The following PCDHA2 variants were observed in gnomAD, a reference collection of about 807,000 sequenced individuals.
PCDHA2 encodes the protein protocadherin alpha 2.
In PCDHA2, 58 loss-of-function variants were observed where a neutral mutation model predicts 66.0. That is an observed-to-expected ratio of 0.88 (90% CI 0.71 to 1.09). The LOEUF (loss-of-function observed/expected upper bound fraction) is 1.09, where lower values mean the gene tolerates loss of function less well. PCDHA2 is among the 50% of genes least tolerant of loss of function. The probability of loss-of-function intolerance (pLI) is 0.00; values close to 1 mark genes in which losing one functional copy is unlikely to be tolerated. For missense variants in PCDHA2, 1,267 were observed against 1,242.3 expected (o/e 1.02, Z -0.30); for synonymous variants, 634 against 554.0 (o/e 1.14, Z -2.03).
chr5:140,795,112 C>G lies in PCDHA2; in HGVS notation c.148C>G (p.Gln50Glu). ...KHGTFVGRIA[Q>E]DLGLELEELV... ...CGGCACCTTCGTGGGCCGCATCGCG[C>G]AGGACCTGGGGCTGGAGCTGGAGGA... is the stretch of plus-strand genomic sequence containing the variant. Residue 50 changes from glutamine (Q) to glutamate (E), a missense_variant, in exon 1 of 4, where the codon CAG (glutamine) becomes GAG (glutamate). Transcript: ENST00000526136. 6.2e-7 allele frequency: 1 copy of G among 1,614,064 alleles called. No homozygotes were observed.
intron 3 of PCDHA2, among the ~76,000 whole-genome samples, chr5:141,000,216 T>C (rs665221): frequency 1.3e-5 from 2 of 151,640 alleles, no homozygotes; most frequent in East Asian, 1.9e-4. Flanking sequence ...CATTATCAAA[T>C]GCCTGTGTGG....
At position 141,010,044 on chromosome 5, in the gene PCDHA2, G is replaced by C; in HGVS notation, c.*107G>C. Reference sequence around the variant, plus strand: ...TTTCCTATCTACATGAGCCCTCTTAGAGACCTCAGAAATCTGCAGAAAGTT... The same window carrying C: ...TTTCCTATCTACATGAGCCCTCTTACAGACCTCAGAAATCTGCAGAAAGTT... On this transcript the variant is annotated 3_prime_UTR_variant, in exon 4 of 4. Coordinates refer to ENST00000526136, the MANE Select transcript of PCDHA2 (RefSeq NM_018905.3). 1.3e-6 allele frequency: 2 copies of C among 1,594,604 alleles called. No individual in the cohort carries two copies. Among genetic ancestry groups the C allele is most frequent in the Non-Finnish European group, 1.7e-6 (2 of 1,171,226 alleles).
chr5:140,800,953 C>G, intron 1 of PCDHA2: 1 of 1,125,988 alleles, frequency 8.9e-7, no homozygotes, highest in African/African-American at 1.6e-5. Context: ...AAACGACATA[C>G]AAGGAAAAGA....
At chr5:140,996,968 C>G (rs1290343779) in intron 3 of PCDHA2, among the ~76,000 whole-genome samples, 1 of 152,132 alleles carries the variant, frequency 6.6e-6, no homozygotes, top group Non-Finnish European at 1.5e-5. Context: ...CAATCCCACT[C>G]CCCTTTGGTG....
At chr5:140,969,152 T>C in intron 1 of PCDHA2, 1 of 1,614,002 alleles carries the variant, frequency 6.2e-7, no homozygotes, top group East Asian at 2.2e-5. Flanking sequence ...CTACAAGGCC[T>C]GTCTGACAGC....
rs1587841717 is a variant in PCDHA2, at chr5:140,999,568, GA to G, written c.2537-10058del. On this transcript the variant is annotated intron_variant, in intron 3 of 3. Transcript: ENST00000526136. ...ATGAAGAGGGGGTATTTTGAGAAGA[GA>G]CTATAAAGGGAAATTGCCTTCCCTA... Among the ~76,000 whole-genome samples the G allele has an allele frequency of 2.0e-5, 3 of 152,084 alleles. No homozygotes were observed. In the South Asian group the frequency reaches 6.2e-4, roughly 32 times the overall value.
chr5:140,802,212 G>A (rs1406650011), intron 1 of PCDHA2: 2 of 1,614,100 alleles, frequency 1.2e-6, no homozygotes, highest in Non-Finnish European at 1.7e-6. Context: ...AGTTCTACTC[G>A]AAATTGTGGA....
intron 1 of PCDHA2, chr5:140,968,548 G>T: frequency 6.2e-7 from 1 of 1,614,174 alleles, no homozygotes; most frequent in Non-Finnish European, 8.5e-7. Context: ...TCGAGATGGT[G>T]CCTCGAACTG....
chr5:140,879,468 C>T (rs1302590030), intron 1 of PCDHA2, among the ~76,000 whole-genome samples: 2 of 152,006 alleles, frequency 1.3e-5, no homozygotes, highest in African/African-American at 4.8e-5. Context: ...AAGAGAATAC[C>T]GTTGTGATTG....
intron 1 of PCDHA2, among the ~76,000 whole-genome samples, chr5:140,941,202 C>T (rs246071): frequency 0.094 from 11,551 of 122,542 alleles, 708 homozygotes; most frequent in Admixed American, 0.12. Context: ...TTTCTTTCTT[C>T]CTTTCTTTCT....
At chr5:140,951,289 T>C (rs546786558) in intron 1 of PCDHA2, among the ~76,000 whole-genome samples, 12 of 152,232 alleles carry the variant, frequency 7.9e-5, no homozygotes, top group Non-Finnish European at 1.3e-4. Context: ...TTTTGGATTA[T>C]ATCTTGATAT....
At chr5:140,879,268 A>G (rs1289844412) in intron 1 of PCDHA2, among the ~76,000 whole-genome samples, 1 of 152,268 alleles carries the variant, frequency 6.6e-6, no homozygotes, top group East Asian at 1.9e-4. Flanking sequence ...CCAGATAATG[A>G]CAGACTCAAT....
At chr5:141,003,143 ACT>A (rs1162243146) in intron 3 of PCDHA2, among the ~76,000 whole-genome samples, 1 of 152,180 alleles carries the variant, frequency 6.6e-6, no homozygotes, top group East Asian at 1.9e-4. Context: ...CTTGGCAAAG[ACT>A]CTGACCTGAT....
chr5:140,807,094 T>A, intron 1 of PCDHA2: 1 of 1,376,084 alleles, frequency 7.3e-7, no homozygotes. Context: ...GTCTGAAATA[T>A]GGAGGATGCA....
At chr5:140,918,226 T>C (rs528915665) in intron 1 of PCDHA2, among the ~76,000 whole-genome samples, 1 of 152,342 alleles carries the variant, frequency 6.6e-6, no homozygotes, top group African/African-American at 2.4e-5. Context: ...ATGCTGATTT[T>C]TGTACATTGA....
At chr5:140,823,721 T>C in intron 1 of PCDHA2, 1 of 1,613,916 alleles carries the variant, frequency 6.2e-7, no homozygotes, top group African/African-American at 1.3e-5. Flanking sequence ...CTTCTGGTGC[T>C]GGTGAAGGAC....
intron 1 of PCDHA2, among the ~76,000 whole-genome samples, chr5:140,917,087 C>G (rs1275905052): frequency 6.6e-6 from 1 of 152,100 alleles, no homozygotes; most frequent in Non-Finnish European, 1.5e-5. Flanking sequence ...GTAAAGTTCC[C>G]CAGTTGCTGT....
intron 1 of PCDHA2, chr5:140,862,749 G>C: frequency 1.7e-6 from 1 of 579,636 alleles, no homozygotes; most frequent in Non-Finnish European, 3.3e-6. Flanking sequence ...GGGTGCACGC[G>C]GAGAGCGGCA....
chr5:140,982,128 A>G (rs2153827578), intron 2 of PCDHA2, among the ~76,000 whole-genome samples: 1 of 152,384 alleles, frequency 6.6e-6, no homozygotes, highest in South Asian at 2.1e-4. Flanking sequence ...TTTTGAGAAC[A>G]AGCCCTCCTC....
Sources: gnomAD v4.1 joint callset for allele counts (sites outside exome capture counted in the v4.1 genomes callset) on GRCh38, gnomAD v4.1.1 for gene constraint, MANE v1.5 for transcripts, NCBI Gene and HGNC (gene_info 2026-07-23, HGNC 2026-07-21) for gene names.